Variants in CCDC73 observed in about 807,000 individuals in gnomAD.
CCDC73 encodes the protein coiled-coil domain-containing protein 73.
Under a neutral mutation model 116.5 loss-of-function variants are expected in CCDC73, and 95 were observed. That is an observed-to-expected ratio of 0.82 (90% CI 0.69 to 0.97). CCDC73 has a LOEUF of 0.97. Among genes scored for constraint, CCDC73 ranks in the 50% least tolerant of loss-of-function variants. The pLI, the probability that CCDC73 is intolerant of heterozygous loss-of-function variation, is 0.00. For missense variants in CCDC73, 1,066 were observed against 1,206.8 expected (o/e 0.88, Z 1.73); for synonymous variants, 398 against 401.3 (o/e 0.99, Z 0.10).
At chr11:32,631,252 T>G (rs1013431401) in intron 14 of CCDC73, among the ~76,000 whole-genome samples, 1 of 151,884 alleles carries the variant, frequency 6.6e-6, no homozygotes, top group African/African-American at 2.4e-5. Flanking sequence ...TTGCCATTTA[T>G]AAAACATTCC....
intron 4 of CCDC73, 81 bp from the exon 5 acceptor site, chr11:32,700,907 C>A: frequency 1.9e-6 from 1 of 531,448 alleles, no homozygotes; most frequent in Non-Finnish European, 3.3e-6. Flanking sequence ...TAAAGAAACA[C>A]TTTACACATC....
At chr11:32,754,957 G>A (rs1392828811) in intron 2 of CCDC73, among the ~76,000 whole-genome samples, 1 of 135,620 alleles carries the variant, frequency 7.4e-6, no homozygotes, top group African/African-American at 2.7e-5. Context: ...GCACGATCTT[G>A]GCTCACTGCA....
chr11:32,779,615 C>G (rs1278407476), intron 1 of CCDC73, among the ~76,000 whole-genome samples: 8 of 152,188 alleles, frequency 5.3e-5, no homozygotes, highest in African/African-American at 1.9e-4. Flanking sequence ...TGTGTCCTGA[C>G]AAGAGTCCTA....
chr11:32,770,055 A>G (rs779994080), intron 1 of CCDC73, among the ~76,000 whole-genome samples: 1 of 152,138 alleles, frequency 6.6e-6, no homozygotes, highest in Admixed American at 6.6e-5. Flanking sequence ...ATTATTTGTC[A>G]TCATTTTGTG....
At chr11:32,621,093 C>T (rs1328062983) in intron 14 of CCDC73, among the ~76,000 whole-genome samples, 2 of 152,178 alleles carry the variant, frequency 1.3e-5, no homozygotes, top group African/African-American at 2.4e-5. Flanking sequence ...AATGGCCATA[C>T]TGCCCAAAGT....
intron 1 of CCDC73, among the ~76,000 whole-genome samples, chr11:32,773,531 G>C (rs1266025219): frequency 6.6e-6 from 1 of 152,102 alleles, no homozygotes; most frequent in Non-Finnish European, 1.5e-5. Context: ...TGTAATCTCA[G>C]AATTTTGGAA....
intron 6 of CCDC73, among the ~76,000 whole-genome samples, chr11:32,686,295 C>G (rs561501085): frequency 1.4e-5 from 2 of 143,614 alleles, no homozygotes; most frequent in Non-Finnish European, 3.0e-5. Flanking sequence ...AGCCAGTTTT[C>G]AGGAGGCAGG....
At chr11:32,606,457 T>A (rs915959788) in intron 17 of CCDC73, among the ~76,000 whole-genome samples, 1 of 152,196 alleles carries the variant, frequency 6.6e-6, no homozygotes, top group Non-Finnish European at 1.5e-5. Flanking sequence ...GGAGATCTAC[T>A]TTTGAATTTG....
intron 14 of CCDC73, among the ~76,000 whole-genome samples, chr11:32,624,648 A>G (rs1303845576): frequency 6.6e-6 from 1 of 152,212 alleles, no homozygotes; most frequent in African/African-American, 2.4e-5. Flanking sequence ...TAGAAATACC[A>G]TTTGACCCAG....
chr11:32,651,542 G>A (rs951954153), intron 12 of CCDC73, among the ~76,000 whole-genome samples: 8 of 152,208 alleles, frequency 5.3e-5, no homozygotes, highest in Non-Finnish European at 8.8e-5. Flanking sequence ...CCCAGAGGGC[G>A]GAAGAGCCAG....
At chr11:32,683,400 C>A (rs1396995) in intron 7 of CCDC73, 136 bp downstream of exon 7, 503,147 of 664,728 alleles carry the variant, frequency 0.76, 192,095 homozygotes, top group East Asian at 0.94. Context: ...TATCCCCTTT[C>A]ATATTACTGG....
chr11:32,714,750 C>T (rs1347603900), intron 3 of CCDC73, among the ~76,000 whole-genome samples: 1 of 152,110 alleles, frequency 6.6e-6, no homozygotes, highest in Non-Finnish European at 1.5e-5. Flanking sequence ...AAGACAGCCT[C>T]TACCCAAGAC....
chr11:32,739,260 T>C (rs929161841), intron 2 of CCDC73, among the ~76,000 whole-genome samples: 1 of 152,094 alleles, frequency 6.6e-6, no homozygotes, highest in African/African-American at 2.4e-5. Context: ...TTGGCATTGC[T>C]TTAAATTTGT....
intron 1 of CCDC73, among the ~76,000 whole-genome samples, chr11:32,777,323 T>C (rs1392141117): frequency 6.6e-6 from 1 of 152,004 alleles, no homozygotes; most frequent in East Asian, 1.9e-4. Flanking sequence ...CATGCTGGTC[T>C]TGAACTCCTG....
At chr11:32,733,514 T>C (rs1353897605) in intron 2 of CCDC73, among the ~76,000 whole-genome samples, 1 of 152,188 alleles carries the variant, frequency 6.6e-6, no homozygotes, top group Non-Finnish European at 1.5e-5. Flanking sequence ...ACCACATAGT[T>C]GGAAGTTAAG....
chr11:32,663,212 T>C (rs570750972), intron 9 of CCDC73, among the ~76,000 whole-genome samples: 72 of 152,368 alleles, frequency 4.7e-4, no homozygotes, highest in Non-Finnish European at 9.1e-4. Context: ...TTTCCAATTC[T>C]GTGAAGAAAG....
chr11:32,639,158 C>CT (rs1855708930), intron 13 of CCDC73, among the ~76,000 whole-genome samples: 1 of 149,784 alleles, frequency 6.7e-6, no homozygotes, highest in Admixed American at 6.6e-5. Flanking sequence ...CCCCGACACC[C>CT]CCCCCAAAAA....
At chr11:32,607,080 ATTTTTTTTTTTTTTTT>A (rs759164050) in intron 17 of CCDC73, among the ~76,000 whole-genome samples, 8 of 74,188 alleles carry the variant, frequency 1.1e-4, no homozygotes, top group Admixed American at 5.4e-4. Context: ...CCAAAAATAA[ATTTTTTTTTTTTTTTT>A]TTTTTTTTTT....
At chr11:32,630,481 T>G (rs187891224) in intron 14 of CCDC73, among the ~76,000 whole-genome samples, 41 of 152,244 alleles carry the variant, frequency 2.7e-4, no homozygotes, top group African/African-American at 9.9e-4. Flanking sequence ...GTAGCTGAGA[T>G]CACAGGCGCA....
Sources: gnomAD v4.1 joint callset for allele counts (sites outside exome capture counted in the v4.1 genomes callset) on GRCh38, gnomAD v4.1.1 for gene constraint, MANE v1.5 for transcripts, NCBI Gene and HGNC (gene_info 2026-07-23, HGNC 2026-07-21) for gene names.